CSMD1: variants seen among roughly 807,000 people sequenced by gnomAD.
CSMD1 encodes the protein CUB and sushi domain-containing protein 1.
Under a neutral mutation model 417.5 loss-of-function variants are expected in CSMD1, and 213 were observed. The observed-to-expected ratio is 0.51, with a 90% CI of 0.46 to 0.57. The LOEUF (loss-of-function observed/expected upper bound fraction) is 0.57. CSMD1 is among the 20% of genes least tolerant of loss of function. The pLI, the probability that CSMD1 is intolerant of heterozygous loss-of-function variation, is 0.00. For synonymous variants in CSMD1, 2,862 were observed against 1,736.8 expected, an observed-to-expected ratio of 1.65 and a Z score of -16.11; for missense variants, 6,923 against 4,529.7, an observed-to-expected ratio of 1.53 and a Z score of -15.17.
At chr8:4,787,415 T>C in intron 1 of CSMD1, 1 of 749,728 alleles carries the variant, frequency 1.3e-6, no homozygotes. Context: ...CCTCCTGCAG[T>C]CCAAGGACAA....
chr8:3,568,032 C>G (rs1292227800), intron 10 of CSMD1, among the ~76,000 whole-genome samples: 1 of 152,076 alleles, frequency 6.6e-6, no homozygotes, highest in Non-Finnish European at 1.5e-5. Context: ...ACAGAAGCCA[C>G]TATTAGAATT....
chr8:4,977,205 T>G (rs2117410523), intron 1 of CSMD1, among the ~76,000 whole-genome samples: 1 of 152,342 alleles, frequency 6.6e-6, no homozygotes, highest in East Asian at 1.9e-4. Context: ...AATTTATATT[T>G]AATTGAATAC....
At chr8:4,413,520 A>T (rs1217650) in intron 3 of CSMD1, among the ~76,000 whole-genome samples, 5 of 152,144 alleles carry the variant, frequency 3.3e-5, no homozygotes, top group African/African-American at 1.2e-4. Flanking sequence ...ACTTTTAGAA[A>T]ATGTTAGTGT....
intron 10 of CSMD1, among the ~76,000 whole-genome samples, chr8:3,524,053 G>A (rs1319185014): frequency 1.7e-5 from 2 of 116,208 alleles, no homozygotes; most frequent in Non-Finnish European, 3.8e-5. Context: ...AGAGACACGT[G>A]CACACACATG....
At chr8:4,731,785 C>T (rs1371828297) in intron 1 of CSMD1, among the ~76,000 whole-genome samples, 1 of 152,128 alleles carries the variant, frequency 6.6e-6, no homozygotes, top group African/African-American at 2.4e-5. Flanking sequence ...CTACCACCTA[C>T]TCTATTTATT....
At chr8:4,879,775 G>A (rs768874566) in intron 1 of CSMD1, among the ~76,000 whole-genome samples, 2 of 151,940 alleles carry the variant, frequency 1.3e-5, no homozygotes, top group African/African-American at 2.4e-5. Context: ...AAGTGACAGG[G>A]GACAGATGAA....
chr8:4,032,027 A>G lies in CSMD1; in HGVS notation c.488T>C (p.Ile163Thr), dbSNP rs539022079. ...GCAGCTGTACCGGATTTTGTCTCCT[A>G]TGTTGAATCTCGTTCCATGCAGAAC... ...KGVLHGTRFNIGDKIRYSCLP... is the reference protein window; with the variant it reads ...KGVLHGTRFNTGDKIRYSCLP... The change falls in exon 4 of 70, where the codon ATA becomes ACA. Residue 163 changes from isoleucine (I) to threonine (T), a missense_variant. Transcript: ENST00000635120. 42 of 1,613,932 alleles carry G rather than the reference A, an allele frequency of 2.6e-5. No homozygotes were observed. In the South Asian group the frequency reaches 3.7e-4, roughly 14 times the overall value.
In CSMD1 at chr8:3,490,775, G is replaced by A. The variant is rs115945574; in HGVS notation, c.1448+2848C>T. On this transcript the variant is annotated intron_variant, in intron 11 of 69. Coordinates refer to ENST00000635120, the MANE Select transcript of CSMD1 (RefSeq NM_033225.6). ...TTCCCAACCCTGTCCCAGGTCAAAG[G>A]CAGGCAGTGTGTGCGACGATCGCCT... Among the ~76,000 whole-genome samples the A allele has an allele frequency of 6.2e-4, 94 of 152,256 alleles. 1 individual carries two copies. Among genetic ancestry groups the A allele is most frequent in the African/African-American group, 2.2e-3 (91 of 41,564 alleles).
intron 3 of CSMD1, among the ~76,000 whole-genome samples, chr8:4,235,799 C>CAA (rs1563316123): frequency 1.1e-3 from 160 of 152,182 alleles, no homozygotes; most frequent in African/African-American, 3.8e-3. Context: ...TTCTTTGAAA[C>CAA]ATTTGTTTTT....
chr8:3,833,722 C>G (rs1292378476), intron 5 of CSMD1, among the ~76,000 whole-genome samples: 1 of 152,064 alleles, frequency 6.6e-6, no homozygotes, highest in Non-Finnish European at 1.5e-5. Context: ...TATATAAGGT[C>G]TATGTTGGCA....
chr8:3,426,782 G>A (rs569397775), intron 12 of CSMD1, among the ~76,000 whole-genome samples: 2 of 152,260 alleles, frequency 1.3e-5, no homozygotes, highest in South Asian at 4.1e-4. Flanking sequence ...TATATTTAAT[G>A]GGTTGTGCCC....
chr8:3,706,779 G>A lies in CSMD1; in HGVS notation c.1009+1635C>T, dbSNP rs886156579. Among the ~76,000 whole-genome samples the A allele has an allele frequency of 4.7e-5, 7 of 147,648 alleles. No homozygotes were observed. In the East Asian group the frequency reaches 6.2e-4, roughly 13 times the overall value. ...TCATAAAAATCATTTTCAAACTACT[G>A]TAAATACTATATCTCCCTCTACAGA... is the stretch of plus-strand genomic sequence containing the variant. On this transcript the variant is annotated intron_variant, in intron 7 of 69. Coordinates refer to ENST00000635120, the MANE Select transcript of CSMD1 (RefSeq NM_033225.6).
intron 1 of CSMD1, among the ~76,000 whole-genome samples, chr8:4,831,878 G>C (rs1007436571): frequency 1.3e-5 from 2 of 151,948 alleles, no homozygotes; most frequent in African/African-American, 2.4e-5. Flanking sequence ...GCAAGGATGA[G>C]GATGAAGAGG....
intron 49 of CSMD1, among the ~76,000 whole-genome samples, chr8:3,076,390 A>AGGACACCAGCCACATTGGATTAGGGTTC (rs375523321): frequency 1.3e-5 from 2 of 152,154 alleles, no homozygotes; most frequent in Admixed American, 6.5e-5. Context: ...CTCTGTAAAG[A>AGGACACCAGCCACATTGGATTAGGGTTC]AAGACCCTGT....
At chr8:4,091,833 T>G (rs1041880851) in intron 3 of CSMD1, among the ~76,000 whole-genome samples, 3 of 152,200 alleles carry the variant, frequency 2.0e-5, no homozygotes, top group Admixed American at 1.3e-4. Flanking sequence ...AAATGGACTA[T>G]TTAGCAATGG....
intron 1 of CSMD1, among the ~76,000 whole-genome samples, chr8:4,861,849 A>C (rs1226715569): frequency 6.6e-6 from 1 of 152,108 alleles, no homozygotes; most frequent in East Asian, 1.9e-4. Flanking sequence ...TGTGAGAAAC[A>C]ATGGTTAGTT....
At chr8:3,337,479 C>A (rs1466775679) in intron 23 of CSMD1, among the ~76,000 whole-genome samples, 3 of 152,080 alleles carry the variant, frequency 2.0e-5, no homozygotes, top group African/African-American at 7.2e-5. Context: ...TCAAAGATCT[C>A]TTTGCGGTTG....
At chr8:3,495,563 A>C (rs771422318) in intron 10 of CSMD1, among the ~76,000 whole-genome samples, 13 of 152,114 alleles carry the variant, frequency 8.5e-5, no homozygotes, top group Non-Finnish European at 1.8e-4. Flanking sequence ...ACCAATCTTT[A>C]CTCCACGCTG....
At chr8:4,287,047 G>C (rs1797098985) in intron 3 of CSMD1, among the ~76,000 whole-genome samples, 1 of 152,168 alleles carries the variant, frequency 6.6e-6, no homozygotes, top group Non-Finnish European at 1.5e-5. Context: ...GAGAATGATT[G>C]TACACTAAGG....
Sources: allele counts gnomAD v4.1 joint callset (sites outside exome capture counted in the v4.1 genomes callset), GRCh38; gene constraint gnomAD v4.1.1; transcripts MANE v1.5; gene names NCBI Gene and HGNC (gene_info 2026-07-23, HGNC 2026-07-21).